KIF26A: variants seen among roughly 807,000 people sequenced by gnomAD.
KIF26A encodes kinesin-like protein KIF26A.
In KIF26A, 74 loss-of-function variants were observed where a neutral mutation model predicts 126.0. That is an observed-to-expected ratio of 0.59 (90% CI 0.49 to 0.71). The LOEUF (loss-of-function observed/expected upper bound fraction) is 0.71, where lower values mean the gene tolerates loss of function less well. Ranked by LOEUF, KIF26A falls within the 30% of genes least tolerant of loss-of-function variation. The pLI is 0.00. For missense variants in KIF26A, 2,984 were observed against 2,763.3 expected (o/e 1.08, Z -1.79); for synonymous variants, 1,445 against 1,232.7 (o/e 1.17, Z -3.61).
In KIF26A at chr14:104,174,043, C is replaced by T. The variant is rs1053810833; in HGVS notation, c.2031-105C>T. ...CCTGGGGCCCCACGCTGGGCTGGTG[C>T]CGGAGCTGGGTGGGAACCAGACTGA... On this transcript the variant is annotated intron_variant, in intron 10 of 14. Transcript: ENST00000423312. 5 of 1,412,180 alleles carry T rather than the reference C, an allele frequency of 3.5e-6. No homozygotes were observed. The African/African-American group carries it at 4.4e-5, about 12-fold the overall frequency. 87.5% of individuals were successfully genotyped at this position (1,412,180 alleles called of 1,614,324 possible).
At chr14:104,139,322 G>C in intron 2 of KIF26A, 34 bp downstream of exon 2, 1 of 1,397,178 alleles carries the variant, frequency 7.2e-7, no homozygotes, top group South Asian at 1.7e-5. Context: ...ACCCCTCCGA[G>C]CAGGGCCACG....
Position 104,158,310 on chromosome 14 carries a change from A to T in KIF26A, c.923+368A>T, listed in dbSNP as rs150981362. ...CGTCAGCTGGGCTCTTCCTCATAGGAGTCGCTGTGACTGCAGCAAGAAAAT... is the reference window on the plus strand; with the variant it reads ...CGTCAGCTGGGCTCTTCCTCATAGGTGTCGCTGTGACTGCAGCAAGAAAAT... On this transcript the variant is annotated intron_variant, in intron 4 of 14. Transcript: ENST00000423312. Among the ~76,000 whole-genome samples, 768 of 152,328 alleles carry T rather than the reference A, an allele frequency of 5.0e-3. 8 individuals carry two copies. Among genetic ancestry groups the T allele is most frequent in the African/African-American group, 0.017 (694 of 41,574 alleles).
Position 104,167,287 on chromosome 14 carries a change from T to G in KIF26A, c.1113+239T>G, listed in dbSNP as rs112206333. ...GCGTGTCCTAGGGGTCCCAGGGGCATGTACTAGGTTCAGCGTGGGGCGGGA... is the reference window on the plus strand; with the variant it reads ...GCGTGTCCTAGGGGTCCCAGGGGCAGGTACTAGGTTCAGCGTGGGGCGGGA... On this transcript the variant is annotated intron_variant, in intron 5 of 14. Transcript: ENST00000423312. 0.043 allele frequency among the ~76,000 whole-genome samples: 6,565 copies of G among 151,774 alleles called. 181 individuals carry two copies. The highest frequency in any genetic ancestry group is 0.063 in the Non-Finnish European group (4,270 of 67,866).
At position 104,179,689 on chromosome 14, in the gene KIF26A, T is replaced by C; in HGVS notation, c.5548T>C (p.Cys1850Arg). 1 of 1,549,554 alleles carries C rather than the reference T, an allele frequency of 6.5e-7. No homozygotes were observed. The highest frequency in any genetic ancestry group is 8.7e-7 in the Non-Finnish European group (1 of 1,146,664). ...LERATAALEQ[C>R]VNLCKAHVMM... is the part of the protein sequence containing the mutation. ...GCGAGCCACGGCGGCCCTGGAGCAG[T>C]GCGTGAACCTGTGCAAGGCGCACGT... The change falls in exon 15 of 15, where the codon TGC becomes CGC. Residue 1850 changes from cysteine to arginine, a missense_variant. Coordinates refer to ENST00000423312, the MANE Select transcript of KIF26A (RefSeq NM_015656.2).
intron 1 of KIF26A, 133 bp downstream of exon 1, chr14:104,138,897 G>C: frequency 1.6e-6 from 2 of 1,247,854 alleles, no homozygotes; most frequent in Non-Finnish European, 2.0e-6. Flanking sequence ...CGGGACCTCC[G>C]GGGATGGAGG....
chr14:104,144,323 T>C (rs1431145042), intron 2 of KIF26A, among the ~76,000 whole-genome samples: 3 of 151,920 alleles, frequency 2.0e-5, no homozygotes, highest in Non-Finnish European at 4.4e-5. Context: ...GGCAGGGACG[T>C]GCTCTGGGGG....
At position 104,152,473 on chromosome 14, in the gene KIF26A, G is replaced by T. The variant is rs756069948; in HGVS notation, c.735+12G>T. 7 of 1,542,456 alleles carry T rather than the reference G, an allele frequency of 4.5e-6. No individual in the cohort carries two copies. The highest frequency in any genetic ancestry group is 6.1e-6 in the Non-Finnish European group (7 of 1,146,550). On this transcript the variant is annotated intron_variant, in intron 3 of 14. Coordinates refer to ENST00000423312, the MANE Select transcript of KIF26A (RefSeq NM_015656.2). This position sits in a 1 kb window ranked among gnomAD's most constrained non-coding sequence, Gnocchi z 5.9. Reference sequence around the variant, plus strand: ...CGCCGGCGTGCCTGGTGAGTGTCTTGCTCAGCGGATGGGAGCTGCTGGCCT... The same window carrying T: ...CGCCGGCGTGCCTGGTGAGTGTCTTTCTCAGCGGATGGGAGCTGCTGGCCT...
chr14:104,174,903 C>T (rs2037999202), intron 11 of KIF26A, 79 bp from the exon 12 acceptor site: 5 of 1,395,000 alleles, frequency 3.6e-6, no homozygotes, highest in Middle Eastern at 1.9e-4. Flanking sequence ...CAGCATTGGC[C>T]CTGTGCTCTG....
rs770534170 is a variant in KIF26A at position 104,138,712 on chromosome 14, G to A, written c.-11G>A. ...CGGGAGCGCCTGCCGGGCTCTTCCC[G>A]CGCCCCGGCCATGGTCGGCCGCGGC... On this transcript the variant is annotated 5_prime_UTR_variant, in exon 1 of 15. Coordinates refer to ENST00000423312, the MANE Select transcript of KIF26A (RefSeq NM_015656.2). 1.6e-6 allele frequency: 2 copies of A among 1,266,390 alleles called. No individual in the cohort carries two copies. Among genetic ancestry groups the A allele is most frequent in the Non-Finnish European group, 2.0e-6 (2 of 1,006,968 alleles). 78.4% of individuals were successfully genotyped at this position (1,266,390 alleles called of 1,614,324 possible). A position where few individuals can be genotyped will look rare whatever the true frequency, so the allele number is the denominator to read the frequency against.
chr14:104,176,069 G>GGACCCTGGAGGGGGC lies in KIF26A; in HGVS notation c.3282_3283insACCCTGGAGGGGGCG (p.Gly1094_Pro1095insThrLeuGluGlyAla), dbSNP rs1238635985. 2 of 1,595,668 alleles carry GGACCCTGGAGGGGGC rather than the reference G, an allele frequency of 1.3e-6. No individual in the cohort carries two copies. Among genetic ancestry groups the GGACCCTGGAGGGGGC allele is most frequent in the Non-Finnish European group, 1.7e-6 (2 of 1,174,082 alleles). ...TACACCTCTCAGGCCCCTGAGGGGG[G>GGACCCTGGAGGGGGC]GCCCCTGGAGGGGGCAGCCTGGGCC... On this transcript the variant is annotated inframe_insertion, in exon 12 of 15. Coordinates refer to ENST00000423312, the MANE Select transcript of KIF26A (RefSeq NM_015656.2).
In KIF26A at chr14:104,177,797, C is replaced by G; in HGVS notation, c.5009C>G (p.Thr1670Ser). 1 of 1,557,970 alleles carries G rather than the reference C, an allele frequency of 6.4e-7. No homozygotes were observed. Among genetic ancestry groups the G allele is most frequent in the South Asian group, 1.2e-5 (1 of 85,818 alleles). ...AGCCTGCGGCGCGACAGCGAGGCCA[C>G]CGGCAGCGCCTCCTCCGCCCCTGAC... is the stretch of plus-strand genomic sequence containing the variant. ...YESLRRDSEA[T>S]GSASSAPDSM... The change falls in exon 12 of 15, where the codon ACC (threonine) becomes AGC (serine). Residue 1670 changes from threonine to serine, a missense_variant. Physicochemically the swap from Thr to Ser is moderately conservative, Grantham distance 58 (BLOSUM62 1). Transcript: ENST00000423312.
Position 104,157,865 on chromosome 14 carries a change from G to T in KIF26A, c.846G>T (p.Thr282=). The T allele has an allele frequency of 6.2e-7, 1 of 1,600,468 alleles. No homozygotes were observed. Among genetic ancestry groups the T allele is most frequent in the Non-Finnish European group, 8.5e-7 (1 of 1,172,226 alleles). ...SKAWGRGGVC[T]SALVTPTPGS... is the part of the protein sequence containing the mutation. ...CCTGGGGCCGTGGTGGAGTCTGCAC[G>T]TCAGCCCTGGTCACCCCCACCCCGG... The change falls in exon 4 of 15, where the codon ACG becomes ACT. Residue 282 remains threonine, a synonymous_variant. Coordinates refer to ENST00000423312, the MANE Select transcript of KIF26A (RefSeq NM_015656.2).
intron 3 of KIF26A, 136 bp from the exon 4 acceptor site, chr14:104,157,619 G>A (rs2037792030): frequency 3.1e-6 from 3 of 959,510 alleles, no homozygotes; most frequent in Non-Finnish European, 4.4e-6. Context: ...TCACAGGCTG[G>A]GCCCTGGGGG....
At position 104,175,645 on chromosome 14, in the gene KIF26A, C is replaced by A. The variant is rs544123035; in HGVS notation, c.2857C>A (p.Pro953Thr). The A allele has an allele frequency of 1.1e-5, 17 of 1,610,026 alleles. No individual in the cohort carries two copies. Among genetic ancestry groups the A allele is most frequent in the Non-Finnish European group, 1.4e-5 (16 of 1,179,366 alleles). Reference sequence around the variant, plus strand: ...CAGGAGGCCACTGCCCAGCCCGGCTCCCCCACCTCCTCAGTTGCTGGAAGC... The same window carrying A: ...CAGGAGGCCACTGCCCAGCCCGGCTACCCCACCTCCTCAGTTGCTGGAAGC... ...GGRRPLPSPA[P>T]PPPQLLEACR... The change falls in exon 12 of 15, where the codon CCC (proline) becomes ACC (threonine). Residue 953 changes from proline (P) to threonine (T), a missense_variant. Pro to Thr is a conservative substitution (Grantham distance 38). Transcript: ENST00000423312.
At position 104,172,679 on chromosome 14, in the gene KIF26A, T is replaced by G; in HGVS notation, c.1420+11T>G. ...GCCACATGAGCCTGGGTAAGCACCCTTGCCCCACCCTAGATGGGTCCTGCT... is the reference window on the plus strand; with the variant it reads ...GCCACATGAGCCTGGGTAAGCACCCGTGCCCCACCCTAGATGGGTCCTGCT... On this transcript the variant is annotated intron_variant, in intron 7 of 14. Coordinates refer to ENST00000423312, the MANE Select transcript of KIF26A (RefSeq NM_015656.2). 1 of 1,602,452 alleles carries G rather than the reference T, an allele frequency of 6.2e-7. No homozygotes were observed. The highest frequency in any genetic ancestry group is 2.2e-5 in the East Asian group (1 of 44,804).
chr14:104,166,774 T>C lies in KIF26A; in HGVS notation c.924-85T>C, dbSNP rs1314460261. On this transcript the variant is annotated intron_variant, in intron 4 of 14. Transcript: ENST00000423312. ...GATGGTGGCTGATGAAGTCCCAGGG[T>C]GGGATCGCCTGGTGACTCGCAGGCG... 9.4e-6 allele frequency: 12 copies of C among 1,274,294 alleles called. No homozygotes were observed. In the East Asian group the frequency reaches 3.0e-4, roughly 32 times the overall value. The allele number at this position is 1,274,294 out of a possible 1,614,324, so 78.9% of individuals were successfully genotyped here. A position where few individuals can be genotyped will look rare whatever the true frequency, so the allele number is the denominator to read the frequency against.
chr14:104,152,393 G>A lies in KIF26A; in HGVS notation c.667G>A (p.Ala223Thr). Residue 223 changes from alanine to threonine, a missense_variant, in exon 3 of 15, where the codon GCC becomes ACC. Coordinates refer to ENST00000423312, the MANE Select transcript of KIF26A (RefSeq NM_015656.2). The surrounding 1 kb of genome is among the most constrained non-coding windows in gnomAD (Gnocchi z 5.9). ...GGCGCTGAGCACGGTCACCATCCAG[G>A]CCCAGCAGTGCCTGGAGGGCATGTG... is the stretch of plus-strand genomic sequence containing the variant. Reference protein sequence around the residue: ...GGALSTVTIQAQQCLEGMWSV... With the variant: ...GGALSTVTIQTQQCLEGMWSV... 3.1e-6 allele frequency: 5 copies of A among 1,598,096 alleles called. No homozygotes were observed. Among genetic ancestry groups the A allele is most frequent in the Non-Finnish European group, 4.3e-6 (5 of 1,173,728 alleles).
chr14:104,151,855 T>G lies in KIF26A; in HGVS notation c.289-160T>G, dbSNP rs893876776. ...CCGATCATTATTTTCCTGCTGGGCT[T>G]GTGTGGGTGAAAGTGTTTGGGCTTA... On this transcript the variant is annotated intron_variant, in intron 2 of 14. Coordinates refer to ENST00000423312, the MANE Select transcript of KIF26A (RefSeq NM_015656.2). This position sits in a 1 kb window ranked among gnomAD's most constrained non-coding sequence, Gnocchi z 4.9. Among the ~76,000 whole-genome samples the G allele has an allele frequency of 3.3e-5, 5 of 152,148 alleles. No homozygotes were observed. The highest frequency in any genetic ancestry group is 1.2e-4 in the African/African-American group (5 of 41,422).
chr14:104,171,312 G>A (rs2141113405), intron 5 of KIF26A, among the ~76,000 whole-genome samples: 1 of 152,306 alleles, frequency 6.6e-6, no homozygotes, highest in Admixed American at 6.5e-5. Flanking sequence ...TATCTTGCAA[G>A]TGCTCCCCCT....
Sources: allele counts gnomAD v4.1 joint callset (sites outside exome capture counted in the v4.1 genomes callset), GRCh38; gene constraint gnomAD v4.1.1; non-coding constraint Gnocchi (gnomAD v3.1); transcripts MANE v1.5; gene names NCBI Gene and HGNC (gene_info 2026-07-23, HGNC 2026-07-21).